ILRUN: variants seen among roughly 807,000 people sequenced by gnomAD.
ILRUN encodes protein ILRUN.
A neutral mutation model predicts 33.8 loss-of-function variants in ILRUN; 3 were observed. The ratio of observed to expected loss-of-function variants is 0.09; its 90% CI spans 0.04 to 0.23. The LOEUF is 0.23. Ranked by LOEUF, ILRUN falls within the 10% of genes least tolerant of loss-of-function variation. ILRUN has a pLI of 1.00. For synonymous variants in ILRUN, 124 were observed against 138.9 expected (o/e 0.89, Z 0.75); for missense variants, 210 against 375.1 (o/e 0.56, Z 3.64).
chr6:34,647,190 C>T (rs949127133), intron 2 of ILRUN, among the ~76,000 whole-genome samples: 1 of 152,164 alleles, frequency 6.6e-6, no homozygotes, highest in African/African-American at 2.4e-5. Flanking sequence ...TAACACATGT[C>T]CATTTTCACA....
intron 1 of ILRUN, among the ~76,000 whole-genome samples, chr6:34,667,455 A>C (rs906760871): frequency 1.3e-5 from 2 of 152,206 alleles, no homozygotes; most frequent in Non-Finnish European, 2.9e-5. Flanking sequence ...ATTAGATAAC[A>C]ACCTTTTTGC....
rs1375524020 is a variant in ILRUN, at chr6:34,646,713, C to T, written c.399G>A (p.Ser133=). 3.1e-6 allele frequency: 5 copies of T among 1,614,088 alleles called. No homozygotes were observed. Among genetic ancestry groups the T allele is most frequent in the Non-Finnish European group, 4.2e-6 (5 of 1,180,006 alleles). The change falls in exon 3 of 5, where the codon TCG becomes TCA. Residue 133 remains serine, a synonymous_variant. Coordinates refer to ENST00000374023, the MANE Select transcript of ILRUN (RefSeq NM_024294.4). The surrounding 1 kb of genome is among the most constrained non-coding windows in gnomAD (Gnocchi z 4.9). ...CATCTGCAATCTCTTGGGGCTCTAG[C>T]GATCTCACCATCACCATGTTCACAT... ...FGHVNMVMVR[S]LEPQEIADVS...
Position 34,684,577 on chromosome 6 carries a change from G to A in ILRUN, c.158+11869C>T, listed in dbSNP as rs375739488. 7.2e-5 allele frequency among the ~76,000 whole-genome samples: 11 copies of A among 152,198 alleles called. No homozygotes were observed. In the East Asian group the frequency reaches 1.4e-3, roughly 19 times the overall value. ...TTAGGGAGAAACAAAGGCTGTTAGG[G>A]GGCACTGTCCTCTTAAAAGTGTGTT... On this transcript the variant is annotated intron_variant, in intron 1 of 4. Transcript: ENST00000374023.
At chr6:34,626,595 G>A (rs572918609) in intron 3 of ILRUN, among the ~76,000 whole-genome samples, 18 of 152,204 alleles carry the variant, frequency 1.2e-4, no homozygotes, top group African/African-American at 4.3e-4. Flanking sequence ...TGTTACAATC[G>A]ATGAACCAAC....
At chr6:34,598,705 G>A (rs557866447) in intron 4 of ILRUN, among the ~76,000 whole-genome samples, 1 of 152,320 alleles carries the variant, frequency 6.6e-6, no homozygotes, top group South Asian at 2.1e-4. Flanking sequence ...GAAAGTTCCT[G>A]GAGATACTTT....
chr6:34,592,190 T>G lies in ILRUN; in HGVS notation c.862-1590A>C, dbSNP rs900345427. ...AATCCTCAGGAGATGATTTGGGGAA[T>G]GGACAGGCCAATACCAATGGGGCAT... On this transcript the variant is annotated intron_variant, in intron 4 of 4. Coordinates refer to ENST00000374023, the MANE Select transcript of ILRUN (RefSeq NM_024294.4). This position sits in a 1 kb window ranked among gnomAD's most constrained non-coding sequence, Gnocchi z 4.0. Among the ~76,000 whole-genome samples, 12 of 152,352 alleles carry G rather than the reference T, an allele frequency of 7.9e-5. No individual in the cohort carries two copies. The highest frequency in any genetic ancestry group is 2.4e-4 in the African/African-American group (10 of 41,594).
intron 3 of ILRUN, among the ~76,000 whole-genome samples, chr6:34,610,846 G>C (rs1761733125): frequency 6.6e-6 from 1 of 152,110 alleles, no homozygotes; most frequent in South Asian, 2.1e-4. Flanking sequence ...TTATGAGAAA[G>C]CTATTCTGAA....
At chr6:34,645,892 C>CA (rs1356439377) in intron 3 of ILRUN, among the ~76,000 whole-genome samples, 2 of 152,206 alleles carry the variant, frequency 1.3e-5, no homozygotes, top group African/African-American at 4.8e-5. Context: ...TGAGAATAGA[C>CA]AGAGACAGAG....
At chr6:34,607,639 A>G (rs1232188164) in intron 3 of ILRUN, among the ~76,000 whole-genome samples, 1 of 118,888 alleles carries the variant, frequency 8.4e-6, no homozygotes, top group Non-Finnish European at 1.7e-5. Flanking sequence ...TGTGAACATC[A>G]TAGAGTGTAC....
rs546225439 is a variant in ILRUN, at chr6:34,689,541, CATTT to C, written c.158+6901_158+6904del. On this transcript the variant is annotated intron_variant, in intron 1 of 4. Coordinates refer to ENST00000374023, the MANE Select transcript of ILRUN (RefSeq NM_024294.4). The stretch of plus-strand genomic sequence containing the variant: ...CTTCCTAAAACTACTATTTGACACA[CATTT>C]ATTTAAGGAAACCAATATTAATAGA... 9.5e-4 allele frequency among the ~76,000 whole-genome samples: 144 copies of C among 152,060 alleles called. 2 individuals are homozygous for C. Among genetic ancestry groups the C allele is most frequent in the Middle Eastern group, 3.4e-3 (1 of 294 alleles).
intron 3 of ILRUN, among the ~76,000 whole-genome samples, chr6:34,631,162 T>C (rs1047717958): frequency 3.3e-5 from 5 of 152,152 alleles, no homozygotes; most frequent in African/African-American, 1.2e-4. Flanking sequence ...GTTTCTTGCT[T>C]TTTAGTATAC....
chr6:34,690,335 C>A (rs561568251), intron 1 of ILRUN, among the ~76,000 whole-genome samples: 1 of 152,072 alleles, frequency 6.6e-6, no homozygotes, highest in Non-Finnish European at 1.5e-5. Flanking sequence ...GTGGCCCACA[C>A]GTGTAATCCC....
At chr6:34,616,027 C>T (rs1434002488) in intron 3 of ILRUN, among the ~76,000 whole-genome samples, 3 of 152,180 alleles carry the variant, frequency 2.0e-5, no homozygotes, top group Non-Finnish European at 4.4e-5. Context: ...CCACTTGGTT[C>T]TGGGCTTCCC....
chr6:34,630,520 T>C (rs566087969), intron 3 of ILRUN, among the ~76,000 whole-genome samples: 89 of 152,002 alleles, frequency 5.9e-4, no homozygotes, highest in Non-Finnish European at 1.1e-3. Flanking sequence ...AGTAGCTGGG[T>C]CTACAGGCAC....
chr6:34,619,899 C>T (rs1220751993), intron 3 of ILRUN, among the ~76,000 whole-genome samples: 4 of 148,798 alleles, frequency 2.7e-5, no homozygotes, highest in South Asian at 4.2e-4. Flanking sequence ...GCAGGAGAAT[C>T]GTTTGAATCT....
At position 34,655,153 on chromosome 6, in the gene ILRUN, T is replaced by C. The variant is rs1562019999; in HGVS notation, c.159-374A>G. Among the ~76,000 whole-genome samples the C allele has an allele frequency of 2.6e-5, 4 of 151,802 alleles. No individual in the cohort carries two copies. The South Asian group carries it at 6.2e-4, about 24-fold the overall frequency. ...TTGTATTATTATTATTTGTTAATAT[T>C]AAAAAAAAGAGAGAGAGACAGCCAT... On this transcript the variant is annotated intron_variant, in intron 1 of 4. Coordinates refer to ENST00000374023, the MANE Select transcript of ILRUN (RefSeq NM_024294.4).
At chr6:34,655,783 C>T (rs762578213) in intron 1 of ILRUN, among the ~76,000 whole-genome samples, 3 of 152,100 alleles carry the variant, frequency 2.0e-5, no homozygotes, top group Non-Finnish European at 4.4e-5. Flanking sequence ...AAGTTGTACG[C>T]TAATGGTCCC....
Position 34,654,607 on chromosome 6 carries a change from T to G in ILRUN, c.313+18A>C. 6.3e-7 allele frequency: 1 copy of G among 1,587,044 alleles called. No individual in the cohort carries two copies. Among genetic ancestry groups the G allele is most frequent in the Non-Finnish European group, 8.6e-7 (1 of 1,169,398 alleles). On this transcript the variant is annotated intron_variant, in intron 2 of 4. Transcript: ENST00000374023. ...AAATGAAAACTAGGCAAGGGAGGAT[T>G]GCCCATTATGTACTTACCAGAATTC...
intron 3 of ILRUN, among the ~76,000 whole-genome samples, chr6:34,612,249 G>A (rs537543631): frequency 9.9e-5 from 15 of 151,980 alleles, no homozygotes; most frequent in South Asian, 2.1e-4. Context: ...AGGCAACAAC[G>A]GTGAAACACT....
Sources: gnomAD v4.1 joint callset for allele counts (sites outside exome capture counted in the v4.1 genomes callset) on GRCh38, gnomAD v4.1.1 for gene constraint, Gnocchi (gnomAD v3.1) non-coding constraint, MANE v1.5 for transcripts, NCBI Gene and HGNC (gene_info 2026-07-23, HGNC 2026-07-21) for gene names.